The following PARD3B variants were observed in gnomAD, a reference collection of about 807,000 sequenced individuals.
The protein encoded by PARD3B is partitioning defective 3 homolog B.
Under a neutral mutation model 130.2 loss-of-function variants are expected in PARD3B, and 103 were observed. That is an observed-to-expected ratio of 0.79 (90% CI 0.67 to 0.93). The LOEUF is 0.93. Among genes scored for constraint, PARD3B ranks in the 40% least tolerant of loss-of-function variants. The pLI, the probability that PARD3B is intolerant of heterozygous loss-of-function variation, is 0.00. For synonymous variants in PARD3B, 583 were observed against 553.2 expected, an observed-to-expected ratio of 1.05 and a Z score of -0.76; for missense variants, 1,609 against 1,499.2, an observed-to-expected ratio of 1.07 and a Z score of -1.21.
Position 205,341,187 on chromosome 2 carries a change from T to C in PARD3B, c.2630+39486T>C, listed in dbSNP as rs76791635. 2.1e-4 allele frequency among the ~76,000 whole-genome samples: 32 copies of C among 152,164 alleles called. No homozygotes were observed. Among genetic ancestry groups the C allele is most frequent in the East Asian group, 7.7e-4 (4 of 5,166 alleles). On this transcript the variant is annotated intron_variant, in intron 18 of 22. Coordinates refer to ENST00000406610, the MANE Select transcript of PARD3B (RefSeq NM_001302769.2). This position sits in a 1 kb window ranked among gnomAD's most constrained non-coding sequence, Gnocchi z 4.3. ...ACCATTATGGGAAACAGTATAGTGGTTTAAAATCTATATTAAAATTAGGAC... is the reference window on the plus strand; with the variant it reads ...ACCATTATGGGAAACAGTATAGTGGCTTAAAATCTATATTAAAATTAGGAC...
intron 21 of PARD3B, among the ~76,000 whole-genome samples, chr2:205,543,853 C>A (rs1184134407): frequency 6.6e-6 from 1 of 152,094 alleles, no homozygotes; most frequent in Non-Finnish European, 1.5e-5. Context: ...CCAAATGTTT[C>A]TTTTTTCTAT....
intron 3 of PARD3B, among the ~76,000 whole-genome samples, chr2:205,012,607 A>T (rs760775525): frequency 6.6e-5 from 10 of 152,210 alleles, no homozygotes; most frequent in Non-Finnish European, 1.3e-4. Context: ...AGGATTTTAG[A>T]TTTCTCTTGG....
intron 1 of PARD3B, among the ~76,000 whole-genome samples, chr2:204,561,673 G>A (rs2031319022): frequency 6.7e-6 from 1 of 148,960 alleles, no homozygotes; most frequent in Admixed American, 6.8e-5. Flanking sequence ...TTGGCTCACT[G>A]CAACCTCCGC....
intron 2 of PARD3B, among the ~76,000 whole-genome samples, chr2:204,772,241 C>T (rs756788105): frequency 9.9e-5 from 15 of 152,116 alleles, no homozygotes; most frequent in South Asian, 4.1e-4. Flanking sequence ...AGGCAGAAGA[C>T]GTAACATATG....
intron 4 of PARD3B, among the ~76,000 whole-genome samples, chr2:205,048,876 T>G (rs778374745): frequency 1.1e-4 from 16 of 152,214 alleles, no homozygotes; most frequent in Non-Finnish European, 2.9e-5. Flanking sequence ...TAAGGAAATA[T>G]ATTTGATGGA....
intron 10 of PARD3B, among the ~76,000 whole-genome samples, chr2:205,156,476 G>A (rs2034175831): frequency 6.6e-6 from 1 of 151,726 alleles, no homozygotes; most frequent in Non-Finnish European, 1.5e-5. Flanking sequence ...TGTTGAAAAT[G>A]GATATTGAAT....
chr2:204,921,455 G>A (rs1421547031), intron 2 of PARD3B, among the ~76,000 whole-genome samples: 2 of 151,994 alleles, frequency 1.3e-5, no homozygotes, highest in African/African-American at 4.8e-5. Flanking sequence ...GGGAGGATTT[G>A]GATTGATTTG....
At chr2:205,139,395 G>A (rs1035978088) in intron 10 of PARD3B, among the ~76,000 whole-genome samples, 8 of 151,994 alleles carry the variant, frequency 5.3e-5, no homozygotes, top group African/African-American at 1.9e-4. Context: ...AAAACCTCTG[G>A]GTTCTGGATT....
intron 2 of PARD3B, among the ~76,000 whole-genome samples, chr2:204,782,616 T>G (rs993768873): frequency 6.6e-6 from 1 of 151,680 alleles, no homozygotes; most frequent in African/African-American, 2.4e-5. Flanking sequence ...CCTTGTTGTT[T>G]ATCTGCTTGA....
At chr2:204,902,274 C>T (rs1451677620) in intron 2 of PARD3B, among the ~76,000 whole-genome samples, 1 of 152,136 alleles carries the variant, frequency 6.6e-6, no homozygotes, top group African/African-American at 2.4e-5. Flanking sequence ...TTGTTCTCTA[C>T]TCACGATTTT....
chr2:204,577,970 C>G (rs1179708433), intron 1 of PARD3B, among the ~76,000 whole-genome samples: 2 of 152,138 alleles, frequency 1.3e-5, no homozygotes, highest in African/African-American at 4.8e-5. Context: ...TGTGCAATGT[C>G]TAGAGACAAT....
chr2:205,250,751 A>G (rs1449947337), intron 16 of PARD3B, among the ~76,000 whole-genome samples: 4 of 152,054 alleles, frequency 2.6e-5, no homozygotes, highest in African/African-American at 9.7e-5. Flanking sequence ...CAACATAGTG[A>G]AACCCCGTCT....
chr2:205,256,654 TTTAAAC>T (rs1433942699), intron 16 of PARD3B, among the ~76,000 whole-genome samples: 1 of 152,138 alleles, frequency 6.6e-6, no homozygotes, highest in Non-Finnish European at 1.5e-5. Flanking sequence ...AAATAACATT[TTTAAAC>T]TTAAACCATC....
intron 16 of PARD3B, among the ~76,000 whole-genome samples, chr2:205,257,850 T>A (rs1478981640): frequency 6.6e-6 from 1 of 152,164 alleles, no homozygotes. Flanking sequence ...CTTTACAAAG[T>A]TCAGGGAATC....
chr2:205,093,087 A>C (rs1346363207), intron 4 of PARD3B, among the ~76,000 whole-genome samples: 2 of 152,118 alleles, frequency 1.3e-5, no homozygotes, highest in Non-Finnish European at 2.9e-5. Context: ...GCTGGCTGGC[A>C]ACTTCGAATG....
intron 10 of PARD3B, among the ~76,000 whole-genome samples, chr2:205,130,824 G>A (rs1388943646): frequency 6.6e-6 from 1 of 152,138 alleles, no homozygotes; most frequent in African/African-American, 2.4e-5. Flanking sequence ...CCAAAAGTTA[G>A]CCATGTTTGT....
intron 10 of PARD3B, among the ~76,000 whole-genome samples, chr2:205,148,720 A>G (rs567629112): frequency 1.1e-4 from 16 of 152,274 alleles, no homozygotes; most frequent in African/African-American, 3.9e-4. Context: ...ATATTTTAAA[A>G]GTTATTCTTT....
rs2041620884 is a variant in PARD3B, at chr2:205,291,878, G to A, written c.2186-8652G>A. ...GGATCAGCCATCTCAGCAGAAGCCA[G>A]GAGCTATTCTCCAGGACAATGGAAG... On this transcript the variant is annotated intron_variant, in intron 16 of 22. Coordinates refer to ENST00000406610, the MANE Select transcript of PARD3B (RefSeq NM_001302769.2). The surrounding 1 kb of genome is among the most constrained non-coding windows in gnomAD (Gnocchi z 4.6). Among the ~76,000 whole-genome samples, 1 of 152,248 alleles carries A rather than the reference G, an allele frequency of 6.6e-6. No homozygotes were observed. The highest frequency in any genetic ancestry group is 6.5e-5 in the Admixed American group (1 of 15,290).
intron 1 of PARD3B, among the ~76,000 whole-genome samples, chr2:204,553,687 TATATATATAC>T (rs1198373250): frequency 1.0e-3 from 106 of 106,006 alleles, no homozygotes; most frequent in African/African-American, 4.2e-3. Context: ...TATATATATA[TATATATATAC>T]ACACATATAT....
Sources: allele counts gnomAD v4.1 joint callset (sites outside exome capture counted in the v4.1 genomes callset), GRCh38; gene constraint gnomAD v4.1.1; non-coding constraint Gnocchi (gnomAD v3.1); transcripts MANE v1.5; gene names NCBI Gene and HGNC (gene_info 2026-07-23, HGNC 2026-07-21).